Variants in PPP1R12B observed in about 807,000 individuals in gnomAD.
PPP1R12B encodes myosin phosphatase target subunit 2.
PPP1R12B carries 76 observed loss-of-function variants against 126.1 expected under a neutral mutation model. The observed-to-expected ratio is 0.60, with a 90% CI of 0.50 to 0.73. The LOEUF (loss-of-function observed/expected upper bound fraction) is 0.73, where lower values mean the gene tolerates loss of function less well. Ranked by LOEUF, PPP1R12B falls within the 30% of genes least tolerant of loss-of-function variation. The pLI is 0.00. For synonymous variants in PPP1R12B, 356 were observed against 434.7 expected, an observed-to-expected ratio of 0.82 and a Z score of 2.25; for missense variants, 1,052 against 1,205.1, an observed-to-expected ratio of 0.87 and a Z score of 1.88.
chr1:202,559,544 T>C (rs1558373738), intron 19 of PPP1R12B, among the ~76,000 whole-genome samples: 1 of 152,204 alleles, frequency 6.6e-6, no homozygotes, highest in Non-Finnish European at 1.5e-5. Flanking sequence ...AAAACTAATC[T>C]TCTGAAAGAA....
intron 18 of PPP1R12B, among the ~76,000 whole-genome samples, chr1:202,531,218 C>T (rs1165553854): frequency 4.6e-5 from 7 of 152,296 alleles, no homozygotes; most frequent in South Asian, 2.1e-4. Flanking sequence ...AGTAATAAAA[C>T]GTCGCTATAA....
intron 23 of PPP1R12B, among the ~76,000 whole-genome samples, chr1:202,569,565 TG>T (rs763690744): frequency 5.9e-5 from 9 of 152,218 alleles, no homozygotes; most frequent in Non-Finnish European, 1.2e-4. Context: ...AGCCTCCCAT[TG>T]GGTGCCTGGG....
intron 23 of PPP1R12B, 54 bp from the exon 24 acceptor site, chr1:202,580,420 G>T: frequency 6.8e-7 from 1 of 1,469,180 alleles, no homozygotes; most frequent in East Asian, 2.3e-5. Flanking sequence ...GTCAGGGAGG[G>T]CCAAGGAGGA....
chr1:202,467,744 T>G (rs1196266082), intron 13 of PPP1R12B, among the ~76,000 whole-genome samples: 1 of 152,234 alleles, frequency 6.6e-6, no homozygotes. Context: ...TACCCAGTAA[T>G]GGGATGGCTG....
At chr1:202,417,156 A>G in intron 2 of PPP1R12B, 28 of 853,780 alleles carry the variant, frequency 3.3e-5, no homozygotes, top group Non-Finnish European at 3.5e-5. Context: ...GGTAATTTAT[A>G]TTTGCTGGGA....
chr1:202,486,076 T>A (rs1175684783), intron 13 of PPP1R12B, among the ~76,000 whole-genome samples: 8 of 152,124 alleles, frequency 5.3e-5, no homozygotes, highest in Non-Finnish European at 1.2e-4. Flanking sequence ...GAGACGAGGT[T>A]TTGCCATGTT....
rs1668706826 is a variant in PPP1R12B at position 202,421,172 on chromosome 1, C to G, written c.423-1448C>G. ...GTTTCACCATGTTGGTCAGGCTTGT[C>G]TCAAACTCCTGGCCTCAAGTGATCT... On this transcript the variant is annotated intron_variant, in intron 2 of 23. Transcript: ENST00000608999. 2.0e-5 allele frequency among the ~76,000 whole-genome samples: 3 copies of G among 151,472 alleles called. 1 individual carries two copies. The South Asian group carries it at 6.4e-4, about 32-fold the overall frequency.
intron 18 of PPP1R12B, among the ~76,000 whole-genome samples, chr1:202,521,412 C>A (rs1682774731): frequency 6.6e-6 from 1 of 152,102 alleles, no homozygotes; most frequent in Non-Finnish European, 1.5e-5. Context: ...AAAAGAAGAA[C>A]AATCTGGTGA....
intron 18 of PPP1R12B, among the ~76,000 whole-genome samples, chr1:202,555,768 G>A (rs1686863007): frequency 2.0e-5 from 3 of 152,060 alleles, no homozygotes; most frequent in Non-Finnish European, 4.4e-5. Context: ...AAACTAAATG[G>A]TCTTCTAAAT....
At chr1:202,389,704 AAAT>A (rs1663800936) in intron 1 of PPP1R12B, among the ~76,000 whole-genome samples, 1 of 151,926 alleles carries the variant, frequency 6.6e-6, no homozygotes, top group African/African-American at 2.4e-5. Flanking sequence ...CCAAGGCGGG[AAAT>A]CACGAGGTCA....
chr1:202,366,340 G>A (rs1056914144), intron 1 of PPP1R12B, among the ~76,000 whole-genome samples: 9 of 151,610 alleles, frequency 5.9e-5, no homozygotes, highest in African/African-American at 1.7e-4. Context: ...CCAACATGGC[G>A]AAGCTCCGTC....
At chr1:202,566,135 T>G (rs536638748) in intron 21 of PPP1R12B, among the ~76,000 whole-genome samples, 1 of 152,236 alleles carries the variant, frequency 6.6e-6, no homozygotes, top group Non-Finnish European at 1.5e-5. Flanking sequence ...TGACAGCATA[T>G]GTCTTGACCT....
At chr1:202,349,578 G>A (rs1386349797) in intron 1 of PPP1R12B, among the ~76,000 whole-genome samples, 1 of 152,146 alleles carries the variant, frequency 6.6e-6, no homozygotes, top group Non-Finnish European at 1.5e-5. Flanking sequence ...CACTTAAAGA[G>A]TAAAGCCCTT....
chr1:202,467,548 A>G (rs546593272), intron 13 of PPP1R12B, among the ~76,000 whole-genome samples: 40 of 152,358 alleles, frequency 2.6e-4, no homozygotes, highest in Non-Finnish European at 4.6e-4. Flanking sequence ...TACAAAGGAC[A>G]TGAACTCATC....
chr1:202,350,197 C>A (rs935634371), intron 1 of PPP1R12B, among the ~76,000 whole-genome samples: 1 of 152,156 alleles, frequency 6.6e-6, no homozygotes, highest in African/African-American at 2.4e-5. Flanking sequence ...TGTTTGCAAC[C>A]CTTCTATTTC....
chr1:202,519,023 G>GT lies in PPP1R12B; in HGVS notation c.2490+22208dup, dbSNP rs537456651. On this transcript the variant is annotated intron_variant, in intron 18 of 23. Transcript: ENST00000608999. ...TGTAGATGATAAGATGCTTTTTGTT[G>GT]TTTTTTTAGAAAACAGTATGTCTTT... Among the ~76,000 whole-genome samples the GT allele has an allele frequency of 2.9e-3, 436 of 152,188 alleles. 2 individuals carry two copies. The highest frequency in any genetic ancestry group is 5.1e-3 in the Non-Finnish European group (347 of 67,994).
chr1:202,548,802 C>CTATATATA (rs1351587055), intron 18 of PPP1R12B, among the ~76,000 whole-genome samples: 11 of 95,434 alleles, frequency 1.2e-4, no homozygotes, highest in Non-Finnish European at 1.6e-4. Context: ...CTCTCTCTCT[C>CTATATATA]TCTCTCTATA....
intron 12 of PPP1R12B, among the ~76,000 whole-genome samples, chr1:202,448,030 AT>A (rs1037338338): frequency 8.7e-5 from 13 of 150,176 alleles, no homozygotes; most frequent in East Asian, 2.0e-4. Context: ...TGTTTTTATT[AT>A]TTTTTTTCAA....
At chr1:202,518,243 C>A (rs1682374935) in intron 18 of PPP1R12B, among the ~76,000 whole-genome samples, 1 of 152,112 alleles carries the variant, frequency 6.6e-6, no homozygotes, top group African/African-American at 2.4e-5. Context: ...ACTTGAGTAC[C>A]TACTATATGG....
Sources: allele counts gnomAD v4.1 joint callset (sites outside exome capture counted in the v4.1 genomes callset), GRCh38; gene constraint gnomAD v4.1.1; transcripts MANE v1.5; gene names NCBI Gene and HGNC (gene_info 2026-07-23, HGNC 2026-07-21).